Variants in CLASP2 observed in about 807,000 individuals in gnomAD.
CLASP2 encodes CLIP-associating protein 2.
A neutral mutation model predicts 194.4 loss-of-function variants in CLASP2; 47 were observed. The observed-to-expected ratio is 0.24, with a 90% confidence interval of 0.19 to 0.31. CLASP2 has a LOEUF of 0.31. CLASP2 is among the 10% of genes least tolerant of loss of function. The probability of loss-of-function intolerance (pLI) is 1.00; values close to 1 mark genes in which losing one functional copy is unlikely to be tolerated. For synonymous variants in CLASP2, 619 were observed against 633.5 expected, an observed-to-expected ratio of 0.98 and a Z score of 0.34; for missense variants, 1,445 against 1,823.6, an observed-to-expected ratio of 0.79 and a Z score of 3.78.
At chr3:33,600,646 T>C (rs1035759414) in intron 18 of CLASP2, among the ~76,000 whole-genome samples, 13 of 152,334 alleles carry the variant, frequency 8.5e-5, no homozygotes, top group Non-Finnish European at 1.0e-4. Flanking sequence ...CCAGTCCTTC[T>C]TCTATGTATA....
At chr3:33,625,275 A>G (rs1258739103) in intron 10 of CLASP2, among the ~76,000 whole-genome samples, 1 of 152,068 alleles carries the variant, frequency 6.6e-6, no homozygotes, top group African/African-American at 2.4e-5. Context: ...ACCAACAGGC[A>G]CATGTATACA....
At chr3:33,566,179 A>G (rs2062707585) in intron 27 of CLASP2, among the ~76,000 whole-genome samples, 1 of 152,344 alleles carries the variant, frequency 6.6e-6, no homozygotes, top group Non-Finnish European at 1.5e-5. Context: ...AACAAAGTGG[A>G]AAGTGGCTAT....
In CLASP2 at chr3:33,518,862, A is replaced by G. The variant is rs9855760; in HGVS notation, c.3788-1688T>C. On this transcript the variant is annotated intron_variant, in intron 34 of 38. Coordinates refer to ENST00000682230, the MANE Select transcript of CLASP2 (RefSeq NM_001365631.1). The stretch of plus-strand genomic sequence containing the variant: ...GCACAGATTGTTACAAAACTGAATT[A>G]TCTATATGAATGAGATAATCCAAAG... Among the ~76,000 whole-genome samples the G allele has an allele frequency of 5.0e-3, 760 of 152,372 alleles. 10 individuals are homozygous for G. Among genetic ancestry groups the G allele is most frequent in the African/African-American group, 0.018 (739 of 41,588 alleles).
chr3:33,578,469 A>G (rs893060023), intron 23 of CLASP2, among the ~76,000 whole-genome samples: 1 of 152,176 alleles, frequency 6.6e-6, no homozygotes, highest in Non-Finnish European at 1.5e-5. Flanking sequence ...ATTCTTCCTC[A>G]GATATATTAG....
intron 22 of CLASP2, 121 bp from the exon 23 acceptor site, chr3:33,582,049 TGAAAA>T: frequency 1.6e-6 from 1 of 621,406 alleles, no homozygotes; most frequent in Non-Finnish European, 2.9e-6. Flanking sequence ...TTTCTAAGGC[TGAAAA>T]GAAATTACTC....
At chr3:33,560,404 G>A (rs1295090921) in intron 28 of CLASP2, among the ~76,000 whole-genome samples, 1 of 151,850 alleles carries the variant, frequency 6.6e-6, no homozygotes, top group East Asian at 1.9e-4. Flanking sequence ...CACCATGCCT[G>A]GCTAATTTTT....
chr3:33,696,497 GCT>G (rs1340798390), intron 2 of CLASP2, among the ~76,000 whole-genome samples: 5 of 140,832 alleles, frequency 3.6e-5, no homozygotes, highest in African/African-American at 1.3e-4. Context: ...ACAGAGTCTT[GCT>G]CTGTCACCCA....
chr3:33,624,043 A>G (rs1176749671), intron 10 of CLASP2, among the ~76,000 whole-genome samples: 3 of 152,178 alleles, frequency 2.0e-5, no homozygotes, highest in Non-Finnish European at 2.9e-5. Context: ...AAGAAAAATC[A>G]TTACTTTTTC....
At chr3:33,549,549 C>T (rs1044107624) in intron 30 of CLASP2, among the ~76,000 whole-genome samples, 1 of 152,052 alleles carries the variant, frequency 6.6e-6, no homozygotes. Flanking sequence ...CTATTATTGA[C>T]TCTAATTTCA....
At chr3:33,576,541 A>G (rs1192349128) in intron 23 of CLASP2, 12 of 379,720 alleles carry the variant, frequency 3.2e-5, no homozygotes, top group Non-Finnish European at 5.4e-5. Context: ...TGGCTGGCAG[A>G]CTAAGGGCTT....
intron 8 of CLASP2, among the ~76,000 whole-genome samples, chr3:33,640,352 C>T (rs1198979872): frequency 1.3e-5 from 2 of 152,098 alleles, no homozygotes; most frequent in African/African-American, 2.4e-5. Flanking sequence ...TTCTTTAAAT[C>T]TCAGGTTAGA....
At chr3:33,608,682 C>T in intron 13 of CLASP2, 56 bp from the exon 14 acceptor site, 1 of 1,148,968 alleles carries the variant, frequency 8.7e-7, no homozygotes, top group Non-Finnish European at 1.3e-6. Context: ...TACATTAACA[C>T]TTTCTTTTAT....
chr3:33,645,852 T>G (rs368809983), intron 7 of CLASP2, among the ~76,000 whole-genome samples: 1 of 151,898 alleles, frequency 6.6e-6, no homozygotes, highest in East Asian at 1.9e-4. Flanking sequence ...CATAAATGAT[T>G]CTACAAGGCT....
intron 1 of CLASP2, among the ~76,000 whole-genome samples, chr3:33,709,705 AT>A (rs944608767): frequency 6.6e-6 from 1 of 152,190 alleles, no homozygotes; most frequent in Non-Finnish European, 1.5e-5. Context: ...AATGAAACCC[AT>A]TTTAGATTTT....
chr3:33,535,151 T>C, intron 34 of CLASP2, 82 bp downstream of exon 34: 3 of 925,150 alleles, frequency 3.2e-6, no homozygotes. Flanking sequence ...GGAGTTATAA[T>C]AAAAAAGCAT....
intron 38 of CLASP2, among the ~76,000 whole-genome samples, chr3:33,501,022 G>A (rs542511599): frequency 6.6e-5 from 10 of 152,216 alleles, no homozygotes; most frequent in South Asian, 2.1e-4. Flanking sequence ...ATGGGATTAC[G>A]GGTATGAACC....
intron 34 of CLASP2, among the ~76,000 whole-genome samples, chr3:33,528,802 GA>G (rs200789120): frequency 0.012 from 1,877 of 151,868 alleles, 13 homozygotes; most frequent in Middle Eastern, 0.044. Flanking sequence ...AGGAAAGAAA[GA>G]AAGGAAGAAA....
At chr3:33,713,748 A>G (rs1038019515) in intron 1 of CLASP2, among the ~76,000 whole-genome samples, 4 of 152,082 alleles carry the variant, frequency 2.6e-5, no homozygotes, top group African/African-American at 9.7e-5. Context: ...CAGTGGCCCA[A>G]TCACGGCTCA....
At position 33,560,920 on chromosome 3, in the gene CLASP2, C is replaced by G. The variant is rs144079580; in HGVS notation, c.2818G>C (p.Asp940His). 3 of 1,613,876 alleles carry G rather than the reference C, an allele frequency of 1.9e-6. No homozygotes were observed. The South Asian group carries it at 3.3e-5, about 18-fold the overall frequency. ...ACAAACAACCAATCTTGAAGATCATCTTTGTGGACTTGTATGAAATCCACT... is the reference window on the plus strand; with the variant it reads ...ACAAACAACCAATCTTGAAGATCATGTTTGTGGACTTGTATGAAATCCACT... ...TLVDFIQVHK[D>H]DLQDWLFVLL... The change falls in exon 28 of 39, where the codon GAT becomes CAT. Residue 940 changes from aspartate to histidine, a missense_variant. By Grantham distance (81) the Asp-to-His change is moderately conservative. This residue lies in a region of CLASP2 where 732 missense variants were observed against 987.9 expected (regional missense o/e 0.74). Transcript: ENST00000682230.
Sources: allele counts gnomAD v4.1 joint callset (sites outside exome capture counted in the v4.1 genomes callset), GRCh38; gene constraint gnomAD v4.1.1; regional missense constraint gnomAD v4.1.1; transcripts MANE v1.5; gene names NCBI Gene and HGNC (gene_info 2026-07-23, HGNC 2026-07-21).